Variants in DAGLB observed in about 807,000 individuals in gnomAD.
DAGLB encodes the protein diacylglycerol lipase beta.
A neutral mutation model predicts 72.1 loss-of-function variants in DAGLB; 66 were observed. That is an observed-to-expected ratio of 0.92 (90% CI 0.75 to 1.12). The LOEUF is 1.12. Among genes scored for constraint, DAGLB ranks in the 50% most tolerant of loss-of-function variants. The pLI, the probability that DAGLB is intolerant of heterozygous loss-of-function variation, is 0.00. For missense variants in DAGLB, 1,065 were observed against 884.9 expected (o/e 1.20, Z -2.58); for synonymous variants, 414 against 359.5 (o/e 1.15, Z -1.71).
In DAGLB at chr7:6,426,924, G is replaced by A. The variant is rs182329662; in HGVS notation, c.930-810C>T. On this transcript the variant is annotated intron_variant, in intron 6 of 14. Transcript: ENST00000297056. Reference sequence around the variant, plus strand: ...GGAGTTCGAGACCAGTCTGGCCAACGTGCTGGAACCCCACCTCTACTAAAA... The same window carrying A: ...GGAGTTCGAGACCAGTCTGGCCAACATGCTGGAACCCCACCTCTACTAAAA... 2.6e-3 allele frequency among the ~76,000 whole-genome samples: 396 copies of A among 152,140 alleles called. 4 individuals are homozygous for A. Among genetic ancestry groups the A allele is most frequent in the Non-Finnish European group, 4.0e-3 (275 of 68,002 alleles).
chr7:6,421,892 G>T, intron 8 of DAGLB, 88 bp from the exon 9 acceptor site: 1 of 1,412,492 alleles, frequency 7.1e-7, no homozygotes, highest in Non-Finnish European at 9.8e-7. Context: ...TGACACTTCT[G>T]TGGAGGATGG....
In DAGLB at chr7:6,447,917, A is replaced by T; in HGVS notation, c.-75T>A. On this transcript the variant is annotated 5_prime_UTR_variant, in exon 1 of 15. Transcript: ENST00000297056. ...CCGAGAACAAACCAGCACCCTCCGG[A>T]CGCCGCCACCAAATTATCGGCGCTC... 2 of 1,479,604 alleles carry T rather than the reference A, an allele frequency of 1.4e-6. No individual in the cohort carries two copies. The highest frequency in any genetic ancestry group is 1.8e-6 in the Non-Finnish European group (2 of 1,117,428). 91.7% of individuals were successfully genotyped at this position (1,479,604 alleles called of 1,614,324 possible). A position where few individuals can be genotyped will look rare whatever the true frequency, so the allele number is the denominator to read the frequency against.
Position 6,409,699 on chromosome 7 carries a change from C to A in DAGLB, c.*138G>T. 2 of 1,009,068 alleles carry A rather than the reference C, an allele frequency of 2.0e-6. No homozygotes were observed. The highest frequency in any genetic ancestry group is 2.9e-6 in the Non-Finnish European group (2 of 700,768). 62.5% of individuals were successfully genotyped at this position (1,009,068 alleles called of 1,614,324 possible). On this transcript the variant is annotated 3_prime_UTR_variant, in exon 15 of 15. Transcript: ENST00000297056. ...TCCCATAAACTTAAGTCATTGAGAC[C>A]ATGGAATTCTGTTCCCATCCGATTC...
At position 6,412,333 on chromosome 7, in the gene DAGLB, T is replaced by A. The variant is rs1405751118; in HGVS notation, c.1569+478A>T. ...ATGTGCCTGTACCTCTTAAGGTCTA[T>A]TTGGCAGCCTTGCTTTCTAAGCTTT... is the stretch of plus-strand genomic sequence containing the variant. On this transcript the variant is annotated intron_variant, in intron 13 of 14. Coordinates refer to ENST00000297056, the MANE Select transcript of DAGLB (RefSeq NM_139179.4). 2.0e-5 allele frequency among the ~76,000 whole-genome samples: 3 copies of A among 152,318 alleles called. No individual in the cohort carries two copies. The South Asian group carries it at 6.2e-4, about 32-fold the overall frequency.
At chr7:6,427,441 A>G (rs949364561) in intron 6 of DAGLB, among the ~76,000 whole-genome samples, 7 of 152,096 alleles carry the variant, frequency 4.6e-5, no homozygotes, top group African/African-American at 1.7e-4. Context: ...AGTGTTGGAG[A>G]CCAGCCTGGG....
chr7:6,426,105 G>C lies in DAGLB; in HGVS notation c.939C>G (p.Ser313Arg), dbSNP rs1784303362. The change falls in exon 7 of 15, where the codon AGC becomes AGG. Residue 313 changes from serine to arginine, a missense_variant. Coordinates refer to ENST00000297056, the MANE Select transcript of DAGLB (RefSeq NM_139179.4). The part of the protein sequence containing the change: ...LCRIGGDCCR[S>R]RTTDYDLVGG... ...CGACCAAGTCATAGTCTGTGGTTCT[G>C]CTTCTGCAGCTAAAAAGAGGACAAA... 1.9e-6 allele frequency: 3 copies of C among 1,613,670 alleles called. No homozygotes were observed. Among genetic ancestry groups the C allele is most frequent in the Non-Finnish European group, 2.5e-6 (3 of 1,179,902 alleles).
At chr7:6,420,706 C>G (rs895354462) in intron 9 of DAGLB, among the ~76,000 whole-genome samples, 7 of 139,404 alleles carry the variant, frequency 5.0e-5, no homozygotes, top group African/African-American at 2.2e-4. Flanking sequence ...TGAAACTGAC[C>G]AATGTGTGTC....
chr7:6,413,961 T>C (rs1326743268), intron 11 of DAGLB, among the ~76,000 whole-genome samples: 1 of 152,214 alleles, frequency 6.6e-6, no homozygotes, highest in Non-Finnish European at 1.5e-5. Context: ...GCCATGGACA[T>C]AATGGAAACA....
rs1783646422 is a variant in DAGLB at position 6,409,558 on chromosome 7, GA to G, written c.*278del. The G allele has an allele frequency of 6.0e-6, 3 of 497,044 alleles. No homozygotes were observed. Among genetic ancestry groups the G allele is most frequent in the African/African-American group, 1.9e-5 (1 of 51,642 alleles). 30.8% of individuals were successfully genotyped at this position (497,044 alleles called of 1,614,324 possible). A position where few individuals can be genotyped will look rare whatever the true frequency, so the allele number is the denominator to read the frequency against. On this transcript the variant is annotated 3_prime_UTR_variant, in exon 15 of 15. Transcript: ENST00000297056. ...TGGAGCAGTCCTCAGACAGCCAAGG[GA>G]TCCATCCACGGGCCAGGGCTTCCCG...
At chr7:6,424,483 G>A (rs1309482068) in intron 8 of DAGLB, among the ~76,000 whole-genome samples, 6 of 152,282 alleles carry the variant, frequency 3.9e-5, no homozygotes, top group African/African-American at 1.2e-4. Flanking sequence ...GCAGGGAGGG[G>A]TCAAGCAGGT....
At chr7:6,446,156 G>A (rs745392131) in intron 1 of DAGLB, 52 bp from the exon 2 acceptor site, 2 of 1,549,742 alleles carry the variant, frequency 1.3e-6, no homozygotes, top group South Asian at 1.2e-5. Context: ...AGGAGCTGCT[G>A]TGTAGAACAT....
chr7:6,443,267 A>AAG (rs1784894330), intron 2 of DAGLB, among the ~76,000 whole-genome samples: 1 of 147,680 alleles, frequency 6.8e-6, no homozygotes, highest in Non-Finnish European at 1.5e-5. Flanking sequence ...AAAAAAAAAA[A>AAG]AAAAAAGAAA....
chr7:6,438,978 T>G (rs997415645), intron 2 of DAGLB, among the ~76,000 whole-genome samples: 1 of 152,084 alleles, frequency 6.6e-6, no homozygotes, highest in African/African-American at 2.4e-5. Context: ...CCTAACACTT[T>G]GGGAGGCCGA....
chr7:6,441,906 C>G (rs1355103761), intron 2 of DAGLB, among the ~76,000 whole-genome samples: 1 of 152,114 alleles, frequency 6.6e-6, no homozygotes, highest in Non-Finnish European at 1.5e-5. Context: ...AGTGCAGAAG[C>G]AAGACGGCAT....
chr7:6,430,016 C>T (rs1258122055), intron 6 of DAGLB, among the ~76,000 whole-genome samples: 2 of 151,164 alleles, frequency 1.3e-5, no homozygotes, highest in Non-Finnish European at 2.9e-5. Flanking sequence ...TGCACTCCAG[C>T]CTGGGCAACA....
At chr7:6,418,024 T>C (rs836509) in intron 9 of DAGLB, among the ~76,000 whole-genome samples, 85,044 of 151,552 alleles carry the variant, frequency 0.56, 25,981 homozygotes, top group East Asian at 0.82. Context: ...GCATGCGCCA[T>C]CACACCCAGC....
chr7:6,428,446 T>C (rs966674904), intron 6 of DAGLB, among the ~76,000 whole-genome samples: 5 of 151,396 alleles, frequency 3.3e-5, no homozygotes, highest in African/African-American at 9.7e-5. Flanking sequence ...CAGAGAGGGA[T>C]AGGACATTTA....
rs562821861 is a variant in DAGLB, at chr7:6,416,711, G to A, written c.1343C>T (p.Ala448Val). 3.5e-5 allele frequency: 57 copies of A among 1,613,516 alleles called. No homozygotes were observed. Among genetic ancestry groups the A allele is most frequent in the East Asian group, 4.5e-5 (2 of 44,884 alleles). ...VIVGHSLGGG[A>V]AALLATMLRA... ...GAGCATGGTGGCCAGCAGGGCGGCC[G>A]CCCCGCCCCCGAGGCTGTGGCCCAC... The change falls in exon 11 of 15, where the codon GCG (alanine) becomes GTG (valine). Residue 448 changes from alanine to valine, a missense_variant. By Grantham distance (64) the Ala-to-Val change is moderately conservative. Transcript: ENST00000297056.
In DAGLB at chr7:6,447,953, G is replaced by A; in HGVS notation, c.-111C>T. 1 of 1,450,108 alleles carries A rather than the reference G, an allele frequency of 6.9e-7. No individual in the cohort carries two copies. Among genetic ancestry groups the A allele is most frequent in the Non-Finnish European group, 9.1e-7 (1 of 1,104,052 alleles). 89.8% of individuals were successfully genotyped at this position (1,450,108 alleles called of 1,614,324 possible). ...AAATTATCGGCGCTCAAGCGCAAAC[G>A]CAGCGAGGGCGGGGACCTGCGCATG... is the stretch of plus-strand genomic sequence containing the variant. On this transcript the variant is annotated 5_prime_UTR_variant, in exon 1 of 15. Coordinates refer to ENST00000297056, the MANE Select transcript of DAGLB (RefSeq NM_139179.4).
Sources: allele counts gnomAD v4.1 joint callset (sites outside exome capture counted in the v4.1 genomes callset), GRCh38; gene constraint gnomAD v4.1.1; transcripts MANE v1.5; gene names NCBI Gene and HGNC (gene_info 2026-07-23, HGNC 2026-07-21).